RBKS: variants seen among roughly 807,000 people sequenced by gnomAD.
RBKS encodes ribokinase.
A neutral mutation model predicts 33.9 loss-of-function variants in RBKS; 33 were observed. The ratio of observed to expected loss-of-function variants is 0.97; its 90% CI spans 0.74 to 1.30. The LOEUF is 1.30. Ranked by LOEUF, RBKS falls within the 50% of genes most tolerant of loss-of-function variation. The pLI, the probability that RBKS is intolerant of heterozygous loss-of-function variation, is 0.00. For synonymous variants in RBKS, 125 were observed against 143.0 expected (o/e 0.87, Z 0.90); for missense variants, 361 against 392.6 (o/e 0.92, Z 0.68).
chr2:27,876,239 GT>G (rs1293279101), intron 1 of RBKS, among the ~76,000 whole-genome samples: 1 of 152,134 alleles, frequency 6.6e-6, no homozygotes, highest in Admixed American at 6.5e-5. Flanking sequence ...CAACCCAAAT[GT>G]CCACTGATAG....
rs1010347144 is a variant in RBKS, at chr2:27,837,426, C to G, written c.515-4649G>C. Reference sequence around the variant, plus strand: ...AGAAAGCAGTTTGGAGATTGATTCTCAAAGAACTTAAAATAGACCTACCAT... The same window carrying G: ...AGAAAGCAGTTTGGAGATTGATTCTGAAAGAACTTAAAATAGACCTACCAT... On this transcript the variant is annotated intron_variant, in intron 5 of 7. Transcript: ENST00000302188. The surrounding 1 kb of genome is among the most constrained non-coding windows in gnomAD (Gnocchi z 4.0). Among the ~76,000 whole-genome samples the G allele has an allele frequency of 6.6e-6, 1 of 152,128 alleles. No individual in the cohort carries two copies. The highest frequency in any genetic ancestry group is 2.4e-5 in the African/African-American group (1 of 41,416).
intron 7 of RBKS, among the ~76,000 whole-genome samples, chr2:27,796,681 G>A (rs1677673327): frequency 6.6e-6 from 1 of 152,110 alleles, no homozygotes; most frequent in African/African-American, 2.4e-5. Context: ...GGAGGGTTGA[G>A]GATTTAGCAG....
At chr2:27,830,928 C>T (rs1252556152) in intron 6 of RBKS, among the ~76,000 whole-genome samples, 1 of 152,168 alleles carries the variant, frequency 6.6e-6, no homozygotes, top group East Asian at 1.9e-4. Context: ...GATCTTGAAA[C>T]CCAGCTACCA....
intron 1 of RBKS, among the ~76,000 whole-genome samples, chr2:27,885,840 T>C (rs1664517303): frequency 6.6e-6 from 1 of 152,238 alleles, no homozygotes; most frequent in Non-Finnish European, 1.5e-5. Flanking sequence ...TGGCACATAG[T>C]ATAAATTCAA....
At chr2:27,823,820 G>A (rs1357579151) in intron 7 of RBKS, among the ~76,000 whole-genome samples, 1 of 152,220 alleles carries the variant, frequency 6.6e-6, no homozygotes, top group Non-Finnish European at 1.5e-5. Flanking sequence ...GGGCAATTCA[G>A]TGGAGAGTCT....
intron 1 of RBKS, among the ~76,000 whole-genome samples, chr2:27,862,520 G>T (rs750384022): frequency 6.6e-6 from 1 of 152,090 alleles, no homozygotes; most frequent in Non-Finnish European, 1.5e-5. Flanking sequence ...CTGGCTTCTC[G>T]CAGGTGTCAC....
chr2:27,796,196 C>T (rs537427151), intron 7 of RBKS, among the ~76,000 whole-genome samples: 21 of 151,920 alleles, frequency 1.4e-4, no homozygotes, highest in African/African-American at 4.6e-4. Flanking sequence ...TTCACATCTT[C>T]GGTATAACTA....
chr2:27,862,397 T>C (rs1345972913), intron 1 of RBKS, among the ~76,000 whole-genome samples: 1 of 152,202 alleles, frequency 6.6e-6, no homozygotes, highest in African/African-American at 2.4e-5. Flanking sequence ...CTTATGCACA[T>C]AAATACATAC....
intron 7 of RBKS, among the ~76,000 whole-genome samples, chr2:27,796,038 T>G (rs2148186095): frequency 6.6e-6 from 1 of 152,330 alleles, no homozygotes. Context: ...GGTGACCAGA[T>G]GGCCCTTGCT....
intron 7 of RBKS, among the ~76,000 whole-genome samples, chr2:27,823,316 T>G (rs897387574): frequency 4.6e-5 from 7 of 152,188 alleles, no homozygotes; most frequent in African/African-American, 1.7e-4. Context: ...CTATTAACAG[T>G]GAGGCAAAAC....
chr2:27,796,265 G>A (rs1677664390), intron 7 of RBKS, among the ~76,000 whole-genome samples: 1 of 152,006 alleles, frequency 6.6e-6, no homozygotes, highest in African/African-American at 2.4e-5. Context: ...AGTAGGAGCT[G>A]TATTGTATCA....
intron 7 of RBKS, among the ~76,000 whole-genome samples, chr2:27,802,038 A>G (rs1414706469): frequency 1.1e-5 from 1 of 92,066 alleles, no homozygotes; most frequent in Non-Finnish European, 2.0e-5. Context: ...GAGTCTTGCT[A>G]TGTTGCCCAT....
At chr2:27,792,360 G>A (rs1377774183) in intron 7 of RBKS, among the ~76,000 whole-genome samples, 1 of 152,150 alleles carries the variant, frequency 6.6e-6, no homozygotes, top group Non-Finnish European at 1.5e-5. Flanking sequence ...TATATAAAAT[G>A]AAGTTATTAA....
intron 7 of RBKS, among the ~76,000 whole-genome samples, chr2:27,813,196 A>G (rs770106802): frequency 6.6e-6 from 1 of 152,180 alleles, no homozygotes. Context: ...CCTAGACTAC[A>G]TAGGATTCTC....
chr2:27,811,391 GA>G (rs1301347978), intron 7 of RBKS, among the ~76,000 whole-genome samples: 3 of 152,322 alleles, frequency 2.0e-5, no homozygotes, highest in Admixed American at 2.0e-4. Flanking sequence ...TGCTGAATAA[GA>G]AAGTGTACAG....
intron 4 of RBKS, among the ~76,000 whole-genome samples, chr2:27,845,950 C>G (rs921469463): frequency 2.6e-5 from 4 of 151,902 alleles, no homozygotes; most frequent in Non-Finnish European, 5.9e-5. Flanking sequence ...GAAAACTTGA[C>G]TTGAAGGTTG....
chr2:27,877,753 T>G (rs1012737015), intron 1 of RBKS, among the ~76,000 whole-genome samples: 5 of 152,062 alleles, frequency 3.3e-5, no homozygotes, highest in African/African-American at 1.2e-4. Context: ...ACTAAACAGT[T>G]GTTTCCAACT....
rs1663515915 is a variant in RBKS, at chr2:27,841,729, A to AACACACACACACAAAC, written c.514+1337_514+1338insGTTTGTGTGTGTGTGT. ...CACTTTGGGAGAAATCACTTATATA[A>AACACACACACACAAAC]ACACACACACACACACACACACACA... is the stretch of plus-strand genomic sequence containing the variant. On this transcript the variant is annotated intron_variant, in intron 5 of 7. Coordinates refer to ENST00000302188, the MANE Select transcript of RBKS (RefSeq NM_022128.3). Among the ~76,000 whole-genome samples, 4 of 142,272 alleles carry AACACACACACACAAAC rather than the reference A, an allele frequency of 2.8e-5. No individual in the cohort carries two copies. In the South Asian group the frequency reaches 9.2e-4, roughly 33 times the overall value. The allele number at this position is 142,272 out of a possible 152,430, so 93.3% of individuals were successfully genotyped here.
intron 5 of RBKS, among the ~76,000 whole-genome samples, chr2:27,840,364 GCACA>G (rs70953891): frequency 0.037 from 4,830 of 129,920 alleles, 190 homozygotes; most frequent in African/African-American, 0.12. Flanking sequence ...ACGCGCGCGC[GCACA>G]CACACACACA....
Sources: gnomAD v4.1 joint callset for allele counts (sites outside exome capture counted in the v4.1 genomes callset) on GRCh38, gnomAD v4.1.1 for gene constraint, Gnocchi (gnomAD v3.1) non-coding constraint, MANE v1.5 for transcripts, NCBI Gene and HGNC (gene_info 2026-07-23, HGNC 2026-07-21) for gene names.